Variants in NCKAP5 observed in about 807,000 individuals in gnomAD.
NCKAP5 encodes nck-associated protein 5.
Under a neutral mutation model 167.0 loss-of-function variants are expected in NCKAP5, and 92 were observed. The ratio of observed to expected loss-of-function variants is 0.55; its 90% confidence interval spans 0.47 to 0.66. NCKAP5 has a LOEUF of 0.66. NCKAP5 is among the 30% of genes least tolerant of loss of function. NCKAP5 has a pLI of 0.00. For missense variants in NCKAP5, 2,378 were observed against 2,315.0 expected (o/e 1.03, Z -0.56); for synonymous variants, 891 against 877.4 (o/e 1.02, Z -0.27).
intron 2 of NCKAP5, among the ~76,000 whole-genome samples, chr2:133,532,143 G>A (rs1343084675): frequency 6.6e-6 from 1 of 152,202 alleles, no homozygotes; most frequent in Admixed American, 6.5e-5. Flanking sequence ...TGTTATAGCA[G>A]CAAGATTTAT....
chr2:132,785,402 T>C lies in NCKAP5; in HGVS notation c.1409A>G (p.Tyr470Cys). 2 of 1,613,970 alleles carry C rather than the reference T, an allele frequency of 1.2e-6. No individual in the cohort carries two copies. Among genetic ancestry groups the C allele is most frequent in the Non-Finnish European group, 1.7e-6 (2 of 1,179,892 alleles). Residue 470 changes from tyrosine (Y) to cysteine (C), a missense_variant, in exon 14 of 20, where the codon TAT (tyrosine) becomes TGT (cysteine). Around this residue, in one of 3 missense-constraint regions of NCKAP5, gnomAD observed 1,049 missense variants for 1,023.4 expected, o/e 1.02. Coordinates refer to ENST00000409261, the MANE Select transcript of NCKAP5 (RefSeq NM_207363.3). Reference protein sequence around the residue: ...PCKEPHKTFVYDLDSHVDADD... With the variant: ...PCKEPHKTFVCDLDSHVDADD... ...CGCATCAACGTGGGAATCTAGATCA[T>C]AAACAAATGTCTTGTGGGGTTCCTT...
Position 133,114,746 on chromosome 2 carries a change from G to C in NCKAP5, c.341+15232C>G, listed in dbSNP as rs192376960. ...CATTTGTTCCGTAGAATTTCCCATA[G>C]TTTGGATTTTGCAGAACCTAGTCTT... On this transcript the variant is annotated intron_variant, in intron 6 of 19. Coordinates refer to ENST00000409261, the MANE Select transcript of NCKAP5 (RefSeq NM_207363.3). 1.9e-3 allele frequency among the ~76,000 whole-genome samples: 288 copies of C among 152,022 alleles called. 1 individual carries two copies. Among genetic ancestry groups the C allele is most frequent in the African/African-American group, 6.3e-3 (261 of 41,472 alleles).
chr2:133,105,828 T>C (rs979174085), intron 6 of NCKAP5, among the ~76,000 whole-genome samples: 2 of 152,258 alleles, frequency 1.3e-5, no homozygotes. Context: ...GTTTAAACTA[T>C]CTGCTTATAT....
At chr2:132,911,757 A>G (rs1272261813) in intron 8 of NCKAP5, among the ~76,000 whole-genome samples, 1 of 152,172 alleles carries the variant, frequency 6.6e-6, no homozygotes, top group Non-Finnish European at 1.5e-5. Flanking sequence ...TCCCATCCTA[A>G]AGAGGTAACG....
chr2:133,516,199 A>C (rs1019066929), intron 3 of NCKAP5, among the ~76,000 whole-genome samples: 1 of 152,200 alleles, frequency 6.6e-6, no homozygotes, highest in Non-Finnish European at 1.5e-5. Context: ...AGAGGCTGAG[A>C]AATTATCTCT....
intron 5 of NCKAP5, among the ~76,000 whole-genome samples, chr2:133,146,857 G>A (rs2083215803): frequency 6.6e-6 from 1 of 152,052 alleles, no homozygotes; most frequent in Non-Finnish European, 1.5e-5. Context: ...GCTAAGGCAT[G>A]TTCTCACCTT....
At chr2:133,116,382 G>A (rs915491697) in intron 6 of NCKAP5, among the ~76,000 whole-genome samples, 3 of 122,978 alleles carry the variant, frequency 2.4e-5, no homozygotes, top group South Asian at 5.3e-4. Flanking sequence ...CAGCTACTCG[G>A]GAGGCTGAGG....
intron 7 of NCKAP5, among the ~76,000 whole-genome samples, chr2:132,964,776 C>A (rs56847918): frequency 0.16 from 23,948 of 151,962 alleles, 2,562 homozygotes; most frequent in East Asian, 0.47. Flanking sequence ...TAAAAGACTT[C>A]TCTATATTTT....
chr2:133,197,337 A>G (rs1361015415), intron 5 of NCKAP5, among the ~76,000 whole-genome samples: 2 of 152,202 alleles, frequency 1.3e-5, no homozygotes, highest in African/African-American at 4.8e-5. Flanking sequence ...AACACTATGG[A>G]AAGTCAGGTG....
chr2:133,178,793 C>G (rs1448758141), intron 5 of NCKAP5, among the ~76,000 whole-genome samples: 1 of 144,748 alleles, frequency 6.9e-6, no homozygotes, highest in Non-Finnish European at 1.5e-5. Flanking sequence ...CCACTGCACT[C>G]CAGCCTGGGC....
intron 3 of NCKAP5, among the ~76,000 whole-genome samples, chr2:133,475,628 G>A (rs926651139): frequency 6.6e-6 from 1 of 152,090 alleles, no homozygotes; most frequent in Non-Finnish European, 1.5e-5. Flanking sequence ...ACTTCCCTTT[G>A]TATGGATTTC....
At position 132,980,498 on chromosome 2, in the gene NCKAP5, T is replaced by C. The variant is rs559151490; in HGVS notation, c.429+13654A>G. Among the ~76,000 whole-genome samples, 5 of 152,306 alleles carry C rather than the reference T, an allele frequency of 3.3e-5. No individual in the cohort carries two copies. The East Asian group carries it at 9.6e-4, about 29-fold the overall frequency. ...AGTCACTGGTGTAGAAAGTAATTAA[T>C]GCCATGCTTGCAAGATATGGGACTT... On this transcript the variant is annotated intron_variant, in intron 7 of 19. Coordinates refer to ENST00000409261, the MANE Select transcript of NCKAP5 (RefSeq NM_207363.3).
At chr2:133,392,754 A>T (rs938706662) in intron 3 of NCKAP5, among the ~76,000 whole-genome samples, 1 of 151,946 alleles carries the variant, frequency 6.6e-6, no homozygotes, top group South Asian at 2.1e-4. Context: ...TTTTCCCCAA[A>T]CTCTTATATA....
intron 11 of NCKAP5, among the ~76,000 whole-genome samples, chr2:132,853,291 A>G (rs1689215519): frequency 6.6e-6 from 1 of 152,120 alleles, no homozygotes; most frequent in Non-Finnish European, 1.5e-5. Flanking sequence ...GCTTCTTACA[A>G]TTTTCAAAGC....
intron 5 of NCKAP5, among the ~76,000 whole-genome samples, chr2:133,171,070 T>C (rs1197594465): frequency 1.3e-5 from 2 of 152,170 alleles, no homozygotes; most frequent in Non-Finnish European, 2.9e-5. Context: ...TCTAAATGAA[T>C]TACTTTCTCA....
intron 19 of NCKAP5, among the ~76,000 whole-genome samples, chr2:132,703,644 G>C (rs1488171376): frequency 6.6e-6 from 1 of 152,140 alleles, no homozygotes; most frequent in African/African-American, 2.4e-5. Context: ...GTGCACAGAG[G>C]AGAGCATTGA....
intron 2 of NCKAP5, among the ~76,000 whole-genome samples, chr2:133,544,651 C>T (rs1030225946): frequency 2.6e-5 from 4 of 152,140 alleles, no homozygotes; most frequent in African/African-American, 9.7e-5. Flanking sequence ...ATTACAGATG[C>T]TACTGCAGTG....
rs117160871 is a variant in NCKAP5, at chr2:133,413,062, G to C, written c.69+104396C>G. ...AAAGCCTGCAGGTCTGGCCTGCCTG[G>C]AGCAAACATGCAGAGCCCACCAAGT... is the stretch of plus-strand genomic sequence containing the variant. On this transcript the variant is annotated intron_variant, in intron 3 of 19. Transcript: ENST00000409261. 1.5e-3 allele frequency among the ~76,000 whole-genome samples: 235 copies of C among 152,324 alleles called. 5 individuals carry two copies. The East Asian group carries it at 0.038, about 24-fold the overall frequency.
At chr2:132,949,043 A>AG (rs1322357067) in intron 8 of NCKAP5, among the ~76,000 whole-genome samples, 2 of 139,010 alleles carry the variant, frequency 1.4e-5, no homozygotes, top group Non-Finnish European at 3.0e-5. Context: ...AGAAAAGAAA[A>AG]GAAAAGAAAC....
Sources: gnomAD v4.1 joint callset for allele counts (sites outside exome capture counted in the v4.1 genomes callset) on GRCh38, gnomAD v4.1.1 for gene constraint, gnomAD v4.1.1 regional missense constraint, MANE v1.5 for transcripts, NCBI Gene and HGNC (gene_info 2026-07-23, HGNC 2026-07-21) for gene names.